SORCS2: variants seen among roughly 807,000 people sequenced by gnomAD.
The protein encoded by SORCS2 is sortilin related VPS10 domain containing receptor 2.
In SORCS2, 100 loss-of-function variants were observed where a neutral mutation model predicts 141.6. The observed-to-expected ratio is 0.71, with a 90% CI of 0.60 to 0.83. The LOEUF is 0.83. SORCS2 is among the 40% of genes least tolerant of loss of function. SORCS2 has a pLI of 0.00. For missense variants in SORCS2, 1,646 were observed against 1,560.2 expected, an observed-to-expected ratio of 1.05 and a Z score of -0.93; for synonymous variants, 789 against 676.9, an observed-to-expected ratio of 1.17 and a Z score of -2.57.
At chr4:7,716,878 G>T (rs1356439641) in intron 17 of SORCS2, among the ~76,000 whole-genome samples, 1 of 152,258 alleles carries the variant, frequency 6.6e-6, no homozygotes, top group African/African-American at 2.4e-5. Flanking sequence ...GGTGCCATGG[G>T]TGGGTGGCCC....
chr4:7,536,143 C>T (rs1712109333), intron 3 of SORCS2, among the ~76,000 whole-genome samples: 1 of 152,222 alleles, frequency 6.6e-6, no homozygotes, highest in African/African-American at 2.4e-5. Context: ...AGGCCGAGGG[C>T]ATCAGAGGGC....
At chr4:7,659,588 C>G (rs1722022760) in intron 5 of SORCS2, among the ~76,000 whole-genome samples, 1 of 152,220 alleles carries the variant, frequency 6.6e-6, no homozygotes, top group African/African-American at 2.4e-5. Context: ...ATTGCTGCCT[C>G]TGCAGCACTG....
intron 1 of SORCS2, among the ~76,000 whole-genome samples, chr4:7,392,898 CG>C (rs11299698): frequency 0.56 from 76,830 of 136,944 alleles, 21,743 homozygotes; most frequent in East Asian, 0.81. Context: ...CCCTCCCAGT[CG>C]GGGGGGGGGG....
chr4:7,314,481 A>G (rs1718426589), intron 1 of SORCS2, among the ~76,000 whole-genome samples: 1 of 151,946 alleles, frequency 6.6e-6, no homozygotes, highest in Non-Finnish European at 1.5e-5. Flanking sequence ...CTGGGACTAC[A>G]GGCGCCCGCC....
chr4:7,646,252 C>T (rs921281547), intron 4 of SORCS2, among the ~76,000 whole-genome samples: 1 of 152,182 alleles, frequency 6.6e-6, no homozygotes, highest in Non-Finnish European at 1.5e-5. Flanking sequence ...GGGACAGTGC[C>T]GCCAAGATGC....
intron 2 of SORCS2, among the ~76,000 whole-genome samples, chr4:7,523,725 T>C (rs977463758): frequency 6.6e-6 from 1 of 152,120 alleles, no homozygotes; most frequent in African/African-American, 2.4e-5. Flanking sequence ...GTGATTGGAC[T>C]ATCGACCCCT....
chr4:7,651,464 G>A (rs1369967771), intron 4 of SORCS2, among the ~76,000 whole-genome samples: 2 of 152,218 alleles, frequency 1.3e-5, no homozygotes, highest in Admixed American at 1.3e-4. Flanking sequence ...GCCTCCACAA[G>A]GCCCCTCTGC....
intron 1 of SORCS2, among the ~76,000 whole-genome samples, chr4:7,266,197 C>G (rs1433025747): frequency 6.6e-6 from 1 of 152,188 alleles, no homozygotes; most frequent in Non-Finnish European, 1.5e-5. Flanking sequence ...CCCTGGAGCT[C>G]CCAGCCAATA....
chr4:7,566,904 A>T (rs900115521), intron 3 of SORCS2, among the ~76,000 whole-genome samples: 1 of 149,886 alleles, frequency 6.7e-6, no homozygotes, highest in African/African-American at 2.5e-5. Context: ...GAATGCTTAC[A>T]ACTGGCTAGA....
chr4:7,718,268 TCTC>T (rs1404510028), intron 18 of SORCS2, 85 bp downstream of exon 18: 2 of 1,480,766 alleles, frequency 1.4e-6, no homozygotes, highest in African/African-American at 1.4e-5. Flanking sequence ...GGTGAGGGTG[TCTC>T]CTCCACCTAG....
In SORCS2 at chr4:7,639,008, G is replaced by A. The variant is rs536205990; in HGVS notation, c.813+516G>A. ...GCAGGGAACTGAGGCTTTGTCCCCC[G>A]GTGAGTGGGGGAGCGGGGGGCCAGC... On this transcript the variant is annotated intron_variant, in intron 4 of 26. Transcript: ENST00000507866. Among the ~76,000 whole-genome samples the A allele has an allele frequency of 3.3e-5, 5 of 152,248 alleles. No homozygotes were observed. In the South Asian group the frequency reaches 8.3e-4, roughly 25 times the overall value.
chr4:7,481,044 C>T (rs1237474547), intron 2 of SORCS2, among the ~76,000 whole-genome samples: 1 of 152,248 alleles, frequency 6.6e-6, no homozygotes, highest in Non-Finnish European at 1.5e-5. Flanking sequence ...TCTTTGAAAT[C>T]AAGAGAGCCC....
At chr4:7,386,420 TGCACACAC>T (rs1330311210) in intron 1 of SORCS2, among the ~76,000 whole-genome samples, 1 of 93,522 alleles carries the variant, frequency 1.1e-5, no homozygotes, top group African/African-American at 4.6e-5. Context: ...CACGCACACA[TGCACACAC>T]ATACAGGTAC....
chr4:7,326,341 C>CTT (rs1275509355), intron 1 of SORCS2, among the ~76,000 whole-genome samples: 3 of 152,102 alleles, frequency 2.0e-5, no homozygotes, highest in Non-Finnish European at 4.4e-5. Flanking sequence ...TGGCTGCTTG[C>CTT]TTCTGTCTCC....
At chr4:7,408,687 G>A (rs973230418) in intron 2 of SORCS2, among the ~76,000 whole-genome samples, 2 of 152,126 alleles carry the variant, frequency 1.3e-5, no homozygotes, top group Non-Finnish European at 2.9e-5. Context: ...CTTTGAATAA[G>A]ATTCCTAACT....
intron 1 of SORCS2, among the ~76,000 whole-genome samples, chr4:7,224,643 C>T (rs942842933): frequency 1.3e-5 from 2 of 152,348 alleles, no homozygotes; most frequent in Admixed American, 1.3e-4. Context: ...CATGAGAACT[C>T]CATCCCCGTG....
chr4:7,722,454 G>T (rs1462835014), intron 18 of SORCS2, among the ~76,000 whole-genome samples: 1 of 152,080 alleles, frequency 6.6e-6, no homozygotes, highest in East Asian at 1.9e-4. Context: ...ATCTCATGCC[G>T]GGTGGCCTGA....
intron 3 of SORCS2, among the ~76,000 whole-genome samples, chr4:7,560,973 G>T (rs1351681597): frequency 6.6e-6 from 1 of 152,160 alleles, no homozygotes; most frequent in Non-Finnish European, 1.5e-5. Context: ...GCAAGATGGA[G>T]CTTGCCGCCA....
At chr4:7,290,811 C>CATTCATTA (rs1283510700) in intron 1 of SORCS2, among the ~76,000 whole-genome samples, 12 of 152,128 alleles carry the variant, frequency 7.9e-5, no homozygotes, top group Non-Finnish European at 1.8e-4. Flanking sequence ...TTCATTCATT[C>CATTCATTA]ATTCATTCAG....
Sources: gnomAD v4.1 joint callset for allele counts (sites outside exome capture counted in the v4.1 genomes callset) on GRCh38, gnomAD v4.1.1 for gene constraint, MANE v1.5 for transcripts, NCBI Gene and HGNC (gene_info 2026-07-23, HGNC 2026-07-21) for gene names.